Variants in GAS7 observed in about 807,000 individuals in gnomAD.
GAS7 encodes growth arrest specific 7.
Under a neutral mutation model 71.1 loss-of-function variants are expected in GAS7, and 28 were observed. The ratio of observed to expected loss-of-function variants is 0.39; its 90% CI spans 0.29 to 0.54. GAS7 has a LOEUF of 0.54. GAS7 is among the 20% of genes least tolerant of loss of function. The pLI is 0.62. For synonymous variants in GAS7, 258 were observed against 245.8 expected, an observed-to-expected ratio of 1.05 and a Z score of -0.46; for missense variants, 436 against 627.8, an observed-to-expected ratio of 0.69 and a Z score of 3.27.
chr17:10,040,246 T>C (rs1015024755), intron 1 of GAS7, among the ~76,000 whole-genome samples: 42 of 152,184 alleles, frequency 2.8e-4, no homozygotes, highest in African/African-American at 1.0e-3. Flanking sequence ...TTCTAGGCCA[T>C]GGGGCCAGCC....
chr17:10,171,630 A>C (rs2074335653), intron 1 of GAS7, among the ~76,000 whole-genome samples: 1 of 152,200 alleles, frequency 6.6e-6, no homozygotes, highest in South Asian at 2.1e-4. Context: ...CATCTCCCTA[A>C]ATAATCACAG....
chr17:10,101,581 C>T (rs2073699674), intron 1 of GAS7, among the ~76,000 whole-genome samples: 2 of 152,206 alleles, frequency 1.3e-5, no homozygotes, highest in Non-Finnish European at 2.9e-5. Context: ...CAGCCACACG[C>T]CTGTGGGCTT....
chr17:10,107,904 C>T (rs946132926), intron 1 of GAS7, among the ~76,000 whole-genome samples: 3 of 151,766 alleles, frequency 2.0e-5, no homozygotes, highest in Non-Finnish European at 4.4e-5. Context: ...CTTACACAGT[C>T]CAGTGGTGGT....
intron 11 of GAS7, among the ~76,000 whole-genome samples, chr17:9,922,197 G>A (rs1361895776): frequency 1.6e-5 from 1 of 61,024 alleles, no homozygotes; most frequent in African/African-American, 5.4e-5. Context: ...TGGTGATGAA[G>A]ATGATGATGA....
intron 4 of GAS7, among the ~76,000 whole-genome samples, chr17:9,960,073 A>G: frequency 6.6e-6 from 1 of 152,204 alleles, no homozygotes; most frequent in East Asian, 1.9e-4. Flanking sequence ...GAGATCCCCA[A>G]GCAGGACCTG....
At chr17:10,005,019 C>G (rs1231771820) in intron 2 of GAS7, among the ~76,000 whole-genome samples, 2 of 93,558 alleles carry the variant, frequency 2.1e-5, no homozygotes, top group African/African-American at 1.1e-4. Flanking sequence ...CTCTCTCTCG[C>G]TCTCTCTCTC....
chr17:9,953,415 G>A (rs976303992), intron 5 of GAS7, among the ~76,000 whole-genome samples: 11 of 152,132 alleles, frequency 7.2e-5, no homozygotes, highest in African/African-American at 2.7e-4. Flanking sequence ...TCCCTCCCAG[G>A]AAGCCCACTG....
chr17:10,161,939 C>T (rs1313612389), intron 1 of GAS7, among the ~76,000 whole-genome samples: 1 of 151,908 alleles, frequency 6.6e-6, no homozygotes, highest in East Asian at 1.9e-4. Flanking sequence ...TGGTGGCGGG[C>T]GCCTGTATTT....
At position 10,103,126 on chromosome 17, in the gene GAS7, C is replaced by CGGATCACCTG. The variant is rs2073722216; in HGVS notation, c.184-83230_184-83229insCAGGTGATCC. ...CAGCATTTTGGGAGGCCGAGGTGGGCAGATTGCTAAGAGCCCAGGAGTTTG... is the reference window on the plus strand; with the variant it reads ...CAGCATTTTGGGAGGCCGAGGTGGGCGGATCACCTGAGATTGCTAAGAGCCCAGGAGTTTG... On this transcript the variant is annotated intron_variant, in intron 1 of 13. Coordinates refer to ENST00000432992, the MANE Select transcript of GAS7 (RefSeq NM_201433.2). The surrounding 1 kb of genome is among the most constrained non-coding windows in gnomAD (Gnocchi z 5.5). 6.6e-6 allele frequency among the ~76,000 whole-genome samples: 1 copy of CGGATCACCTG among 151,986 alleles called. No homozygotes were observed. Among genetic ancestry groups the CGGATCACCTG allele is most frequent in the African/African-American group, 2.4e-5 (1 of 41,374 alleles).
intron 1 of GAS7, among the ~76,000 whole-genome samples, chr17:10,189,290 C>T (rs952548148): frequency 1.3e-5 from 2 of 152,164 alleles, no homozygotes; most frequent in Admixed American, 6.5e-5. Context: ...ACACACCTCT[C>T]ACCATCTCCA....
chr17:9,911,849 G>C lies in GAS7; in HGVS notation c.*5379C>G, dbSNP rs989278871. 1.3e-5 allele frequency: 3 copies of C among 231,640 alleles called. No homozygotes were observed. Among genetic ancestry groups the C allele is most frequent in the African/African-American group, 6.6e-5 (3 of 45,224 alleles). The allele number at this position is 231,640 out of a possible 1,614,324, so 14.3% of individuals were successfully genotyped here. A position where few individuals can be genotyped will look rare whatever the true frequency, so the allele number is the denominator to read the frequency against. Reference sequence around the variant, plus strand: ...GGTCTCGGGACTCACCTTTCACTGAGCAGGGGGCATGAACAAGACACAGCT... The same window carrying C: ...GGTCTCGGGACTCACCTTTCACTGACCAGGGGGCATGAACAAGACACAGCT... On this transcript the variant is annotated 3_prime_UTR_variant, in exon 14 of 14. Transcript: ENST00000432992. This position sits in a 1 kb window ranked among gnomAD's most constrained non-coding sequence, Gnocchi z 4.0.
At chr17:10,069,333 A>G (rs977147632) in intron 1 of GAS7, among the ~76,000 whole-genome samples, 6 of 152,204 alleles carry the variant, frequency 3.9e-5, no homozygotes, top group African/African-American at 7.2e-5. Flanking sequence ...ACAGGTGACA[A>G]GCCTCTCAAA....
At chr17:10,054,055 T>C (rs2073101034) in intron 1 of GAS7, among the ~76,000 whole-genome samples, 1 of 152,264 alleles carries the variant, frequency 6.6e-6, no homozygotes, top group South Asian at 2.1e-4. Context: ...GAATCACTAG[T>C]TTCAAGAGAA....
chr17:9,963,089 C>T (rs956028174), intron 4 of GAS7, among the ~76,000 whole-genome samples: 1 of 148,926 alleles, frequency 6.7e-6, no homozygotes, highest in African/African-American at 2.5e-5. Flanking sequence ...GTAGAGGCAA[C>T]GAGACAGGCA....
intron 1 of GAS7, among the ~76,000 whole-genome samples, chr17:10,186,841 C>T (rs2074458020): frequency 6.6e-6 from 1 of 152,058 alleles, no homozygotes; most frequent in Admixed American, 6.5e-5. Context: ...TGAGCCAGGA[C>T]AGTGCCACTG....
intron 1 of GAS7, among the ~76,000 whole-genome samples, chr17:10,194,482 T>G (rs1260789498): frequency 6.6e-6 from 1 of 152,180 alleles, no homozygotes; most frequent in Non-Finnish European, 1.5e-5. Context: ...AGATCTAGGA[T>G]TCTCTATCCA....
intron 1 of GAS7, chr17:10,027,144 A>C (rs1028945880): frequency 6.6e-6 from 1 of 152,222 alleles, no homozygotes; most frequent in Non-Finnish European, 1.5e-5. Flanking sequence ...ACAAAGAAAC[A>C]GACTATAAGA....
At position 9,911,069 on chromosome 17, in the gene GAS7, C is replaced by T. The variant is rs1334021430; in HGVS notation, c.*6159G>A. On this transcript the variant is annotated 3_prime_UTR_variant, in exon 14 of 14. Transcript: ENST00000432992. The surrounding 1 kb of genome is among the most constrained non-coding windows in gnomAD (Gnocchi z 4.0). ...TTGCTTCCGGTCATCTCCTTCCTAACGGAAGGGAAGGGATGCTAAGTTGGG... is the reference window on the plus strand; with the variant it reads ...TTGCTTCCGGTCATCTCCTTCCTAATGGAAGGGAAGGGATGCTAAGTTGGG... 3.0e-5 allele frequency: 7 copies of T among 233,042 alleles called. No individual in the cohort carries two copies. Among genetic ancestry groups the T allele is most frequent in the Non-Finnish European group, 8.5e-6 (1 of 117,926 alleles). 14.4% of individuals were successfully genotyped at this position (233,042 alleles called of 1,614,324 possible). A position where few individuals can be genotyped will look rare whatever the true frequency, so the allele number is the denominator to read the frequency against.
chr17:9,959,458 G>A lies in GAS7; in HGVS notation c.472-203C>T, dbSNP rs1397114872. ...CACGCCCAGCTCTCGGGCTGAAGGCGAATTAAGGAAGCCTCCTGCACAGGC... is the reference window on the plus strand; with the variant it reads ...CACGCCCAGCTCTCGGGCTGAAGGCAAATTAAGGAAGCCTCCTGCACAGGC... On this transcript the variant is annotated intron_variant, in intron 4 of 13. Coordinates refer to ENST00000432992, the MANE Select transcript of GAS7 (RefSeq NM_201433.2). The surrounding 1 kb of genome is among the most constrained non-coding windows in gnomAD (Gnocchi z 5.0). 4.9e-6 allele frequency: 7 copies of A among 1,428,764 alleles called. No individual in the cohort carries two copies. Among genetic ancestry groups the A allele is most frequent in the Non-Finnish European group, 6.4e-6 (7 of 1,094,184 alleles). 88.5% of individuals were successfully genotyped at this position (1,428,764 alleles called of 1,614,324 possible). A position where few individuals can be genotyped will look rare whatever the true frequency, so the allele number is the denominator to read the frequency against.
Sources: allele counts gnomAD v4.1 joint callset (sites outside exome capture counted in the v4.1 genomes callset), GRCh38; gene constraint gnomAD v4.1.1; non-coding constraint Gnocchi (gnomAD v3.1); transcripts MANE v1.5; gene names NCBI Gene and HGNC (gene_info 2026-07-23, HGNC 2026-07-21).